CEP95: variants seen among roughly 807,000 people sequenced by gnomAD.
CEP95 encodes centrosomal protein of 95 kDa.
CEP95 carries 98 observed loss-of-function variants against 111.2 expected under a neutral mutation model. The ratio of observed to expected loss-of-function variants is 0.88; its 90% CI spans 0.75 to 1.04. CEP95 has a LOEUF of 1.04. Among genes scored for constraint, CEP95 ranks in the 50% least tolerant of loss-of-function variants. The pLI is 0.00. For synonymous variants in CEP95, 323 were observed against 327.1 expected (o/e 0.99, Z 0.14); for missense variants, 1,027 against 977.2 (o/e 1.05, Z -0.68).
Position 64,509,038 on chromosome 17 carries a change from T to C in CEP95, c.148+318T>C, listed in dbSNP as rs1415274526. 1.3e-5 allele frequency among the ~76,000 whole-genome samples: 2 copies of C among 152,188 alleles called. 1 individual carries two copies. The highest frequency in any genetic ancestry group is 3.8e-4 in the East Asian group (2 of 5,200). On this transcript the variant is annotated intron_variant, in intron 2 of 19. Coordinates refer to ENST00000556440, the MANE Select transcript of CEP95 (RefSeq NM_138363.3). ...AATCACGGCTTAACCTAATCATGGCTACTGCCTTGTGAAAGTTGCATCTTT... is the reference window on the plus strand; with the variant it reads ...AATCACGGCTTAACCTAATCATGGCCACTGCCTTGTGAAAGTTGCATCTTT...
intron 2 of CEP95, among the ~76,000 whole-genome samples, chr17:64,508,987 A>G (rs1318429084): frequency 1.3e-5 from 2 of 152,076 alleles, no homozygotes; most frequent in African/African-American, 4.8e-5. Context: ...AACGGCCTTG[A>G]GCAGATCAGT....
chr17:64,511,194 G>T (rs1555674806), intron 3 of CEP95, among the ~76,000 whole-genome samples: 6 of 152,130 alleles, frequency 3.9e-5, no homozygotes, highest in Non-Finnish European at 8.8e-5. Context: ...TGAAGTTTTG[G>T]GCACCATTGT....
Position 64,519,330 on chromosome 17 carries a change from G to A in CEP95, c.483G>A (p.Leu161=). ...WKRVSFGRCS[L]SSEMLGPSWD... ...GAGGGAACTTTTCCAGGTGCTCCTT[G>A]TCTTCTGAGATGTTGGGCCCCTCTT... The change falls in exon 6 of 20, where the codon TTG becomes TTA. Residue 161 remains leucine, a synonymous_variant. Transcript: ENST00000556440. The A allele has an allele frequency of 6.2e-7, 1 of 1,613,598 alleles. No individual in the cohort carries two copies. The highest frequency in any genetic ancestry group is 8.5e-7 in the Non-Finnish European group (1 of 1,179,556).
intron 4 of CEP95, 64 bp from the exon 5 acceptor site, chr17:64,516,659 T>C: frequency 1.0e-6 from 1 of 991,678 alleles, no homozygotes; most frequent in Non-Finnish European, 1.5e-6. Context: ...TCCCTGCCTC[T>C]TACATAGAAA....
At chr17:64,506,932 C>T (rs1013213709), upstream of CEP95, 4 of 769,918 alleles carry the variant, frequency 5.2e-6, no homozygotes, top group South Asian at 6.1e-5. Context: ...GATGACCAAT[C>T]AGCGGCGAGA....
chr17:64,519,743 TG>T (rs1421938196), intron 6 of CEP95, among the ~76,000 whole-genome samples: 1 of 152,208 alleles, frequency 6.6e-6, no homozygotes, highest in Non-Finnish European at 1.5e-5. Flanking sequence ...ATTCTTTAAT[TG>T]TAGTTTCCTG....
intron 8 of CEP95, among the ~76,000 whole-genome samples, chr17:64,524,207 GGGAGTGT>G: frequency 6.6e-6 from 1 of 152,120 alleles, no homozygotes; most frequent in Non-Finnish European, 1.5e-5. Flanking sequence ...GCAGTTAAAG[GGGAGTGT>G]TTATTTTCAA....
At position 64,529,355 on chromosome 17, in the gene CEP95, C is replaced by A. The variant is rs573184058; in HGVS notation, c.1374C>A (p.His458Gln). Residue 458 changes from histidine to glutamine, a missense_variant, in exon 12 of 20, where the codon CAC becomes CAA. Coordinates refer to ENST00000556440, the MANE Select transcript of CEP95 (RefSeq NM_138363.3). ...TCTCTCCATCTCCAGTTAACAAACA[C>A]AAACAGTTCCACTTGGAGAGAAAAA... The part of the protein sequence containing the change: ...HSLSPSPVNK[H>Q]KQFHLERKRQ... 4.0e-4 allele frequency: 645 copies of A among 1,613,810 alleles called. 9 individuals are homozygous for A. In the South Asian group the frequency reaches 6.7e-3, roughly 17 times the overall value.
chr17:64,510,910 A>G (rs1362774181), intron 3 of CEP95, among the ~76,000 whole-genome samples: 1 of 152,160 alleles, frequency 6.6e-6, no homozygotes, highest in Non-Finnish European at 1.5e-5. Context: ...AAGCATCGGC[A>G]GGTTTGAGAA....
In CEP95 at chr17:64,508,608, C is replaced by G. The variant is rs529360307; in HGVS notation, c.36C>G (p.Ala12=). The G allele has an allele frequency of 2.1e-6, 3 of 1,419,524 alleles. No individual in the cohort carries two copies. The highest frequency in any genetic ancestry group is 3.7e-4 in the Middle Eastern group (2 of 5,398). The allele number at this position is 1,419,524 out of a possible 1,614,324, so 87.9% of individuals were successfully genotyped here. The change falls in exon 2 of 20, where the codon GCC becomes GCG. Residue 12 remains alanine, a synonymous_variant. Coordinates refer to ENST00000556440, the MANE Select transcript of CEP95 (RefSeq NM_138363.3). ...AGSDAEWVTI[A]NNLLFKCHIH... is the part of the protein sequence containing the mutation. ...TCCCAACAGAGTGGGTAACCATTGC[C>G]AATAACCTTCTTTTTAAGTGTCATA...
Position 64,514,849 on chromosome 17 carries a change from A to G in CEP95, c.367+491A>G, listed in dbSNP as rs115863282. On this transcript the variant is annotated intron_variant, in intron 4 of 19. Transcript: ENST00000556440. ...GTCTTAATAATTTGAGATTAAGTAAATAATGCTGTTGGTCACGAATGGAAT... is the reference window on the plus strand; with the variant it reads ...GTCTTAATAATTTGAGATTAAGTAAGTAATGCTGTTGGTCACGAATGGAAT... 6.0e-3 allele frequency: 989 copies of G among 164,398 alleles called. 6 individuals carry two copies. Among genetic ancestry groups the G allele is most frequent in the African/African-American group, 0.022 (912 of 42,182 alleles). The allele number at this position is 164,398 out of a possible 1,614,324, so 10.2% of individuals were successfully genotyped here. A position where few individuals can be genotyped will look rare whatever the true frequency, so the allele number is the denominator to read the frequency against.
chr17:64,507,781 C>A, intron 1 of CEP95: 1 of 985,480 alleles, frequency 1.0e-6, no homozygotes, highest in African/African-American at 1.7e-5. Flanking sequence ...CAGAACGTTA[C>A]GTGTCCAGAA....
chr17:64,527,866 GTGTGTA>G (rs1167558409), intron 11 of CEP95, among the ~76,000 whole-genome samples: 402 of 124,250 alleles, frequency 3.2e-3, no homozygotes, highest in African/African-American at 8.2e-3. Context: ...GTGTGTGTGT[GTGTGTA>G]TATATATATA....
chr17:64,507,837 T>A (rs1198027469), intron 1 of CEP95: 2 of 985,322 alleles, frequency 2.0e-6, no homozygotes, highest in Non-Finnish European at 2.4e-6. Context: ...AGTGCTTTCC[T>A]ACCAATTCCC....
At chr17:64,519,154 A>G (rs1403195429) in intron 5 of CEP95, among the ~76,000 whole-genome samples, 167 bp from the exon 6 acceptor site, 2 of 152,340 alleles carry the variant, frequency 1.3e-5, no homozygotes, top group Non-Finnish European at 2.9e-5. Context: ...ATATACAGCT[A>G]TTTCTACCAT....
intron 4 of CEP95, 122 bp downstream of exon 4, chr17:64,514,480 C>A (rs781971711): frequency 3.7e-6 from 2 of 538,298 alleles, no homozygotes; most frequent in Non-Finnish European, 6.8e-6. Flanking sequence ...TACCTGATAA[C>A]CGTAGTTGTA....
At chr17:64,534,887 C>CA in intron 17 of CEP95, 150 bp downstream of exon 17, 2 of 840,428 alleles carry the variant, frequency 2.4e-6, no homozygotes, top group Non-Finnish European at 3.8e-6. Context: ...TGCTTGGCCA[C>CA]ACTTCATTTT....
chr17:64,534,722 G>C lies in CEP95; in HGVS notation c.2055G>C (p.Arg685Ser), dbSNP rs782300362. The C allele has an allele frequency of 6.2e-7, 1 of 1,611,806 alleles. No homozygotes were observed. The highest frequency in any genetic ancestry group is 8.5e-7 in the Non-Finnish European group (1 of 1,178,860). ...TGTGTGCAAAAATGATGAGAATGAG[G>C]ACCCGGGAAGAAATGGTAAGTCTGA... is the stretch of plus-strand genomic sequence containing the variant. The part of the protein sequence containing the change: ...VQLCAKMMRM[R>S]TREEMIFKKL... Residue 685 changes from arginine to serine, a missense_variant, in exon 17 of 20, where the codon AGG becomes AGC. Physicochemically the swap from Arg to Ser is moderately radical, Grantham distance 110. Transcript: ENST00000556440.
intron 5 of CEP95, 80 bp from the exon 6 acceptor site, chr17:64,519,241 C>T (rs1480803470): frequency 1.2e-5 from 10 of 835,122 alleles, no homozygotes; most frequent in South Asian, 7.5e-5. Flanking sequence ...CCTTTTTCTG[C>T]ACCCAGCAGC....
Sources: gnomAD v4.1 joint callset for allele counts (sites outside exome capture counted in the v4.1 genomes callset) on GRCh38, gnomAD v4.1.1 for gene constraint, MANE v1.5 for transcripts, NCBI Gene and HGNC (gene_info 2026-07-23, HGNC 2026-07-21) for gene names.